Variants in ZFPM2 observed in about 807,000 individuals in gnomAD.
ZFPM2 encodes the protein zinc finger protein, FOG family member 2.
Under a neutral mutation model 98.6 loss-of-function variants are expected in ZFPM2, and 20 were observed. The ratio of observed to expected loss-of-function variants is 0.20; its 90% CI spans 0.14 to 0.29. The LOEUF is 0.29. Among genes scored for constraint, ZFPM2 ranks in the 10% least tolerant of loss-of-function variants. ZFPM2 has a pLI of 1.00. For synonymous variants in ZFPM2, 518 were observed against 502.7 expected (o/e 1.03, Z -0.41); for missense variants, 1,310 against 1,388.6 (o/e 0.94, Z 0.90).
intron 4 of ZFPM2, among the ~76,000 whole-genome samples, chr8:105,621,539 C>G (rs753251352): frequency 6.6e-6 from 1 of 152,060 alleles, no homozygotes; most frequent in Non-Finnish European, 1.5e-5. Context: ...GCCTGATTGC[C>G]CTGGCCAGAA....
intron 3 of ZFPM2, among the ~76,000 whole-genome samples, chr8:105,495,161 T>G (rs1222386293): frequency 6.6e-5 from 10 of 152,208 alleles, no homozygotes; most frequent in Admixed American, 6.5e-4. Context: ...ATCAAAGCCT[T>G]GAACATCTTG....
chr8:105,766,797 C>A (rs751562869), intron 5 of ZFPM2, among the ~76,000 whole-genome samples: 7 of 151,770 alleles, frequency 4.6e-5, no homozygotes. Context: ...TATAGGTTGG[C>A]AATATTGCCA....
rs186544415 is a variant in ZFPM2 at position 105,502,339 on chromosome 8, A to G, written c.301+57958A>G. Among the ~76,000 whole-genome samples the G allele has an allele frequency of 7.0e-3, 1,070 of 152,296 alleles. 8 individuals carry two copies. The highest frequency in any genetic ancestry group is 0.013 in the Non-Finnish European group (872 of 68,020). On this transcript the variant is annotated intron_variant, in intron 3 of 7. Transcript: ENST00000407775. ...AGAATATCAATTAAAAAACAGATGC[A>G]ATCAAAATGTAGAAATTGAAGATAA...
intron 3 of ZFPM2, among the ~76,000 whole-genome samples, chr8:105,460,122 G>A (rs1276024220): frequency 1.3e-5 from 2 of 152,136 alleles, no homozygotes; most frequent in African/African-American, 4.8e-5. Context: ...TGCAGCCTAA[G>A]GTTGTATAGG....
intron 4 of ZFPM2, among the ~76,000 whole-genome samples, chr8:105,588,963 A>G (rs1474242872): frequency 6.6e-6 from 1 of 152,248 alleles, no homozygotes; most frequent in Non-Finnish European, 1.5e-5. Flanking sequence ...TCTATAGTGT[A>G]CACAGTTGAA....
chr8:105,750,796 A>G (rs1004917436), intron 5 of ZFPM2, among the ~76,000 whole-genome samples: 1 of 152,088 alleles, frequency 6.6e-6, no homozygotes, highest in Admixed American at 6.6e-5. Flanking sequence ...CTACCTTAGG[A>G]GCAACGATGA....
At chr8:105,669,431 A>T (rs144045627) in intron 5 of ZFPM2, among the ~76,000 whole-genome samples, 1 of 150,752 alleles carries the variant, frequency 6.6e-6, no homozygotes, top group Non-Finnish European at 1.5e-5. Flanking sequence ...ATATATATTT[A>T]TATATATACA....
At chr8:105,480,800 G>T (rs1813099729) in intron 3 of ZFPM2, among the ~76,000 whole-genome samples, 1 of 151,064 alleles carries the variant, frequency 6.6e-6, no homozygotes, top group South Asian at 2.1e-4. Context: ...TCCCAGTCTG[G>T]AGTACTGTGG....
chr8:105,369,523 G>C (rs550459108), intron 1 of ZFPM2, among the ~76,000 whole-genome samples: 1 of 152,078 alleles, frequency 6.6e-6, no homozygotes, highest in Admixed American at 6.6e-5. Flanking sequence ...TATGGACAGA[G>C]TTAGTTACTA....
chr8:105,564,382 T>C (rs1445210713), intron 4 of ZFPM2, among the ~76,000 whole-genome samples: 1 of 152,032 alleles, frequency 6.6e-6, no homozygotes, highest in Non-Finnish European at 1.5e-5. Flanking sequence ...TAAAATTTAG[T>C]TGCCTCACTA....
chr8:105,453,407 A>G (rs1293386803), intron 3 of ZFPM2, among the ~76,000 whole-genome samples: 1 of 152,228 alleles, frequency 6.6e-6, no homozygotes, highest in African/African-American at 2.4e-5. Flanking sequence ...TCTGGTAGAA[A>G]GAGATTCAGT....
intron 1 of ZFPM2, among the ~76,000 whole-genome samples, chr8:105,377,611 A>C (rs1430397089): frequency 4.2e-5 from 6 of 143,476 alleles, no homozygotes; most frequent in African/African-American, 1.3e-4. Flanking sequence ...AAAATCCAAA[A>C]AAAAAAAAAA....
At chr8:105,751,075 G>A (rs567914067) in intron 5 of ZFPM2, among the ~76,000 whole-genome samples, 1 of 152,106 alleles carries the variant, frequency 6.6e-6, no homozygotes, top group Admixed American at 6.6e-5. Flanking sequence ...ATGTTAGCCA[G>A]GTGTAAATAG....
At chr8:105,637,280 A>G (rs1307694150) in intron 5 of ZFPM2, among the ~76,000 whole-genome samples, 1 of 152,112 alleles carries the variant, frequency 6.6e-6, no homozygotes, top group Non-Finnish European at 1.5e-5. Flanking sequence ...AATGATGAGT[A>G]ACAATCAAAA....
intron 5 of ZFPM2, among the ~76,000 whole-genome samples, chr8:105,716,148 A>G (rs1259078212): frequency 4.0e-5 from 6 of 150,450 alleles, no homozygotes; most frequent in Admixed American, 1.3e-4. Flanking sequence ...TTATTTACAT[A>G]TATACATATA....
chr8:105,410,223 TC>T (rs763853209), intron 1 of ZFPM2, among the ~76,000 whole-genome samples: 1 of 151,918 alleles, frequency 6.6e-6, no homozygotes, highest in Non-Finnish European at 1.5e-5. Flanking sequence ...ATTAAATGTT[TC>T]CCCCTCACAT....
chr8:105,599,745 G>A (rs945650111), intron 4 of ZFPM2, among the ~76,000 whole-genome samples: 1 of 152,092 alleles, frequency 6.6e-6, no homozygotes, highest in Admixed American at 6.6e-5. Context: ...CAACTCCCCT[G>A]AAATTTCCAA....
chr8:105,729,250 T>C (rs1332059298), intron 5 of ZFPM2, among the ~76,000 whole-genome samples: 2 of 151,688 alleles, frequency 1.3e-5, no homozygotes, highest in Admixed American at 1.3e-4. Context: ...ACCAAGTAGA[T>C]TTAATAGTTT....
chr8:105,666,183 G>C (rs1817485047), intron 5 of ZFPM2, among the ~76,000 whole-genome samples: 1 of 152,130 alleles, frequency 6.6e-6, no homozygotes. Flanking sequence ...GACAAGCCAT[G>C]GTTGAGACCA....
Sources: allele counts gnomAD v4.1 joint callset (sites outside exome capture counted in the v4.1 genomes callset), GRCh38; gene constraint gnomAD v4.1.1; transcripts MANE v1.5; gene names NCBI Gene and HGNC (gene_info 2026-07-23, HGNC 2026-07-21).